The following CDV3 variants were observed in gnomAD, a reference collection of about 807,000 sequenced individuals.
The protein encoded by CDV3 is protein CDV3 homolog.
A neutral mutation model predicts 24.5 loss-of-function variants in CDV3; 14 were observed. That is an observed-to-expected ratio of 0.57 (90% confidence interval 0.38 to 0.89). The LOEUF (loss-of-function observed/expected upper bound fraction) is 0.89. Ranked by LOEUF, CDV3 falls within the 40% of genes least tolerant of loss-of-function variation. The pLI is 0.00. For synonymous variants in CDV3, 114 were observed against 114.1 expected (o/e 1.00, Z 0.00); for missense variants, 304 against 310.2 (o/e 0.98, Z 0.15).
intron 3 of CDV3, among the ~76,000 whole-genome samples, chr3:133,585,558 A>T (rs991872642): frequency 1.3e-5 from 2 of 150,712 alleles, no homozygotes; most frequent in African/African-American, 4.9e-5. Flanking sequence ...GCAGTGGCAC[A>T]ATCTTGGGTC....
rs1334493891 is a variant in CDV3 at position 133,573,727 on chromosome 3, C to T, written c.-318C>T. On this transcript the variant is annotated 5_prime_UTR_variant, in exon 1 of 5. Transcript: ENST00000264993. ...TGCTAGCCGAGCACTCTCGCCAGAA[C>T]CTCTGGCTCGCGCGTGCCTTTTCCC... The T allele has an allele frequency of 6.6e-6, 1 of 151,892 alleles. No individual in the cohort carries two copies. Among genetic ancestry groups the T allele is most frequent in the Admixed American group, 6.6e-5 (1 of 15,238 alleles). 9.4% of individuals were successfully genotyped at this position (151,892 alleles called of 1,614,324 possible).
intron 3 of CDV3, among the ~76,000 whole-genome samples, chr3:133,586,098 C>T (rs1933572265): frequency 6.6e-6 from 1 of 150,992 alleles, no homozygotes; most frequent in Non-Finnish European, 1.5e-5. Context: ...TTTCACTTTT[C>T]TTTTTTCTTT....
intron 2 of CDV3, among the ~76,000 whole-genome samples, chr3:133,579,956 C>T (rs1434990481): frequency 6.6e-6 from 1 of 152,120 alleles, no homozygotes; most frequent in East Asian, 1.9e-4. Flanking sequence ...AGAATCTTAA[C>T]CCAAAATACT....
rs1400875890 is a variant in CDV3 at position 133,588,548 on chromosome 3, TGAA to T, written c.*505_*507del. The T allele has an allele frequency of 6.2e-6, 4 of 646,434 alleles. No individual in the cohort carries two copies. The highest frequency in any genetic ancestry group is 3.7e-5 in the African/African-American group (2 of 54,708). The allele number at this position is 646,434 out of a possible 1,614,324, so 40.0% of individuals were successfully genotyped here. A position where few individuals can be genotyped will look rare whatever the true frequency, so the allele number is the denominator to read the frequency against. On this transcript the variant is annotated 3_prime_UTR_variant, in exon 5 of 5. Coordinates refer to ENST00000264993, the MANE Select transcript of CDV3 (RefSeq NM_017548.5). The stretch of plus-strand genomic sequence containing the variant: ...CTGGGTTCTGATCTGCTGTAAAAGA[TGAA>T]GATTTAAGTGACCTTAATTAACCTG...
chr3:133,583,974 T>C, intron 2 of CDV3, 28 bp from the exon 3 acceptor site: 1 of 1,568,966 alleles, frequency 6.4e-7, no homozygotes, highest in Non-Finnish European at 8.7e-7. Context: ...GGTGATTCCT[T>C]AATGAATTTA....
At chr3:133,578,115 G>A (rs1166061111) in intron 2 of CDV3, among the ~76,000 whole-genome samples, 2 of 152,052 alleles carry the variant, frequency 1.3e-5, no homozygotes, top group Non-Finnish European at 2.9e-5. Context: ...TCAGCCTCCC[G>A]AGTAGCTGGG....
rs1276260164 is a variant in CDV3 at position 133,573,912 on chromosome 3, G to C, written c.-133G>C. 2.9e-5 allele frequency: 19 copies of C among 664,274 alleles called. No homozygotes were observed. Among genetic ancestry groups the C allele is most frequent in the African/African-American group, 7.9e-5 (4 of 50,720 alleles). The allele number at this position is 664,274 out of a possible 1,614,324, so 41.1% of individuals were successfully genotyped here. On this transcript the variant is annotated 5_prime_UTR_variant, in exon 1 of 5. Coordinates refer to ENST00000264993, the MANE Select transcript of CDV3 (RefSeq NM_017548.5). Reference sequence around the variant, plus strand: ...CCGCCCGTCTCGCCGCGCACGCCTCGGCGACCCCGCGGGGCTGAGGCGTCG... The same window carrying C: ...CCGCCCGTCTCGCCGCGCACGCCTCCGCGACCCCGCGGGGCTGAGGCGTCG...
intron 2 of CDV3, among the ~76,000 whole-genome samples, chr3:133,583,629 C>G (rs774260016): frequency 3.3e-5 from 5 of 152,172 alleles, no homozygotes; most frequent in Admixed American, 1.3e-4. Flanking sequence ...GTGGCACGAT[C>G]TCAGCTCACT....
At chr3:133,586,801 C>A in intron 4 of CDV3, 79 bp downstream of exon 4, 1 of 841,178 alleles carries the variant, frequency 1.2e-6, no homozygotes, top group South Asian at 1.5e-5. Context: ...GATGTGCATA[C>A]CCACCCAAGG....
At position 133,588,302 on chromosome 3, in the gene CDV3, A is replaced by G. The variant is rs1933813687; in HGVS notation, c.*256A>G. ...CTTTCATATTTACTCTGCAAATACA[A>G]AAAACCAAAACCTGCAGCCAGTGGT... On this transcript the variant is annotated 3_prime_UTR_variant, in exon 5 of 5. Coordinates refer to ENST00000264993, the MANE Select transcript of CDV3 (RefSeq NM_017548.5). The G allele has an allele frequency of 3.9e-6, 6 of 1,537,606 alleles. No homozygotes were observed. Among genetic ancestry groups the G allele is most frequent in the Non-Finnish European group, 5.2e-6 (6 of 1,146,828 alleles).
At chr3:133,582,309 A>G (rs1933120115) in intron 2 of CDV3, among the ~76,000 whole-genome samples, 1 of 152,078 alleles carries the variant, frequency 6.6e-6, no homozygotes, top group African/African-American at 2.4e-5. Flanking sequence ...GTGTCACCAC[A>G]CCTGGCTAAT....
At chr3:133,587,843 C>A in intron 4 of CDV3, 53 bp from the exon 5 acceptor site, 1 of 1,528,462 alleles carries the variant, frequency 6.5e-7, no homozygotes, top group Non-Finnish European at 8.8e-7. Context: ...CGAATATTTT[C>A]AAAAACCCTA....
At position 133,588,218 on chromosome 3, in the gene CDV3, A is replaced by G; in HGVS notation, c.*172A>G. 1 of 1,537,662 alleles carries G rather than the reference A, an allele frequency of 6.5e-7. No homozygotes were observed. The highest frequency in any genetic ancestry group is 2.4e-5 in the East Asian group (1 of 41,086). On this transcript the variant is annotated 3_prime_UTR_variant, in exon 5 of 5. Coordinates refer to ENST00000264993, the MANE Select transcript of CDV3 (RefSeq NM_017548.5). ...AAAGTGTCACGACTGCTCTATGCAT[A>G]TTGGATTTAGGGGAATTTTCATTGT...
At chr3:133,586,373 G>A (rs777435518) in intron 3 of CDV3, among the ~76,000 whole-genome samples, 190 bp from the exon 4 acceptor site, 10 of 152,210 alleles carry the variant, frequency 6.6e-5, no homozygotes, top group Non-Finnish European at 1.3e-4. Flanking sequence ...TGGGATTACA[G>A]GCGTGAGCCA....
Position 133,590,228 on chromosome 3 carries a change from CATT to C in CDV3, c.*2184_*2186del, listed in dbSNP as rs1183568683. ...GTTTGGCAGTGCAAGAATTCTGTAA[CATT>C]AACAAATTCAATAAAAAGTAAATAT... On this transcript the variant is annotated 3_prime_UTR_variant, in exon 5 of 5. Transcript: ENST00000264993. The C allele has an allele frequency of 6.6e-6, 1 of 152,134 alleles. No individual in the cohort carries two copies. Among genetic ancestry groups the C allele is most frequent in the Non-Finnish European group, 1.5e-5 (1 of 68,018 alleles). The allele number at this position is 152,134 out of a possible 1,614,324, so 9.4% of individuals were successfully genotyped here.
intron 2 of CDV3, among the ~76,000 whole-genome samples, chr3:133,576,759 C>A (rs1284044310): frequency 1.3e-5 from 2 of 150,104 alleles, no homozygotes; most frequent in Non-Finnish European, 3.0e-5. Context: ...AAATAACTTA[C>A]ATACTTCACC....
intron 2 of CDV3, among the ~76,000 whole-genome samples, chr3:133,576,847 T>TTTTTTTTTTTTTTTTC (rs2074832011): frequency 8.7e-6 from 1 of 114,720 alleles, no homozygotes; most frequent in Non-Finnish European, 1.9e-5. Context: ...CTAGCTTTTT[T>TTTTTTTTTTTTTTTTC]TTTTTTTTTT....
intron 2 of CDV3, among the ~76,000 whole-genome samples, chr3:133,577,702 T>C (rs978501615): frequency 7.2e-5 from 11 of 152,226 alleles, no homozygotes; most frequent in South Asian, 2.1e-4. Flanking sequence ...CTGGTCCTTA[T>C]AGTAGTTAGC....
At chr3:133,587,193 T>C (rs1162417601) in intron 4 of CDV3, 10 of 1,365,386 alleles carry the variant, frequency 7.3e-6, no homozygotes, top group Non-Finnish European at 9.7e-6. Context: ...TGGAATTAAA[T>C]GACTACATAT....
Sources: allele counts gnomAD v4.1 joint callset (sites outside exome capture counted in the v4.1 genomes callset), GRCh38; gene constraint gnomAD v4.1.1; transcripts MANE v1.5; gene names NCBI Gene and HGNC (gene_info 2026-07-23, HGNC 2026-07-21).